The following EDNRB variants were observed in gnomAD, a reference collection of about 807,000 sequenced individuals.
EDNRB encodes the protein Hirschsprung disease 2.
Under a neutral mutation model 46.4 loss-of-function variants are expected in EDNRB, and 18 were observed. That is an observed-to-expected ratio of 0.39 (90% CI 0.27 to 0.57). EDNRB has a LOEUF of 0.57. EDNRB is among the 20% of genes least tolerant of loss of function. The pLI is 0.61. For missense variants in EDNRB, 434 were observed against 537.5 expected, an observed-to-expected ratio of 0.81 and a Z score of 1.90; for synonymous variants, 213 against 204.9, an observed-to-expected ratio of 1.04 and a Z score of -0.34.
chr13:77,962,769 C>T (rs1881464532), intron 1 of EDNRB, among the ~76,000 whole-genome samples: 1 of 152,024 alleles, frequency 6.6e-6, no homozygotes, highest in Admixed American at 6.6e-5. Flanking sequence ...AAGTTCTGGC[C>T]AGGGCAATCA....
chr13:77,924,379 C>T (rs145124162), upstream of EDNRB, among the ~76,000 whole-genome samples: 15 of 152,186 alleles, frequency 9.9e-5, no homozygotes, highest in African/African-American at 3.4e-4. Flanking sequence ...AATGCACAGG[C>T]GACTTACTTC....
chr13:77,908,890 C>T (rs1036277979), intron 1 of EDNRB, among the ~76,000 whole-genome samples: 3 of 151,900 alleles, frequency 2.0e-5, no homozygotes, highest in Non-Finnish European at 4.4e-5. Context: ...TATATGTTAC[C>T]TAACATTGAT....
At chr13:77,931,918 T>G (rs1880421693) in intron 1 of EDNRB, among the ~76,000 whole-genome samples, 1 of 152,096 alleles carries the variant, frequency 6.6e-6, no homozygotes, top group Admixed American at 6.5e-5. Context: ...CAAGAGATAG[T>G]AGCTCACAAG....
intron 1 of EDNRB, among the ~76,000 whole-genome samples, chr13:77,966,738 G>C (rs1881593616): frequency 6.6e-6 from 1 of 152,034 alleles, no homozygotes; most frequent in South Asian, 2.1e-4. Context: ...GATCTGGATG[G>C]GGTTTTTGCA....
intron 1 of EDNRB, among the ~76,000 whole-genome samples, chr13:77,911,554 G>A (rs1879573805): frequency 6.6e-6 from 1 of 152,028 alleles, no homozygotes; most frequent in Non-Finnish European, 1.5e-5. Context: ...CATGAGTGCA[G>A]TTTTGAGCCT....
At chr13:77,960,341 G>A (rs1248410839) in intron 1 of EDNRB, among the ~76,000 whole-genome samples, 7 of 152,090 alleles carry the variant, frequency 4.6e-5, no homozygotes, top group African/African-American at 7.2e-5. Context: ...CAGATGTCTC[G>A]GCAGAAACTC....
chr13:77,966,379 C>T (rs76418000), intron 1 of EDNRB, among the ~76,000 whole-genome samples: 88 of 152,288 alleles, frequency 5.8e-4, no homozygotes, highest in African/African-American at 2.1e-3. Flanking sequence ...GTCCTAACAA[C>T]AAATACATGT....
At chr13:77,912,812 G>A (rs1388620956) in intron 1 of EDNRB, among the ~76,000 whole-genome samples, 1 of 152,086 alleles carries the variant, frequency 6.6e-6, no homozygotes, top group Non-Finnish European at 1.5e-5. Flanking sequence ...GAATGCTTAT[G>A]CTGGTAAAAT....
At chr13:77,936,034 G>A (rs1220334005) in intron 1 of EDNRB, among the ~76,000 whole-genome samples, 1 of 152,200 alleles carries the variant, frequency 6.6e-6, no homozygotes, top group African/African-American at 2.4e-5. Context: ...AGTGATAACA[G>A]GCTTTCATCC....
At chr13:77,923,405 A>G (rs1294316448), upstream of EDNRB, among the ~76,000 whole-genome samples, 3 of 152,306 alleles carry the variant, frequency 2.0e-5, no homozygotes, top group African/African-American at 7.2e-5. Flanking sequence ...AAAAGATATT[A>G]GAAATTCCAG....
chr13:77,930,522 G>T (rs1594380949), intron 1 of EDNRB, among the ~76,000 whole-genome samples: 1 of 152,136 alleles, frequency 6.6e-6, no homozygotes, highest in East Asian at 1.9e-4. Flanking sequence ...TAGCATGTCT[G>T]ATTTCTTAAT....
At chr13:77,936,872 C>A (rs1411943569) in intron 1 of EDNRB, among the ~76,000 whole-genome samples, 1 of 152,166 alleles carries the variant, frequency 6.6e-6, no homozygotes, top group African/African-American at 2.4e-5. Context: ...TTCTTGTATG[C>A]TGGAGGTGTG....
rs955895781 is a variant in EDNRB, at chr13:77,953,410, G to A, written c.-52+21937C>T. Reference sequence around the variant, plus strand: ...TTTTATTTTCCATTTATTTGAAATCGAAAAATAAAACAATCATTCAGGGAA... The same window carrying A: ...TTTTATTTTCCATTTATTTGAAATCAAAAAATAAAACAATCATTCAGGGAA... On this transcript the variant is annotated intron_variant, in intron 1 of 7. Transcript: ENST00000646948. Among the ~76,000 whole-genome samples, 26 of 151,234 alleles carry A rather than the reference G, an allele frequency of 1.7e-4. No individual in the cohort carries two copies. The East Asian group carries it at 2.7e-3, about 16-fold the overall frequency.
intron 1 of EDNRB, among the ~76,000 whole-genome samples, chr13:77,945,121 C>G (rs1161928602): frequency 3.9e-5 from 6 of 151,996 alleles, no homozygotes; most frequent in African/African-American, 1.5e-4. Flanking sequence ...GTACTAGTGT[C>G]CTATGTTGAC....
chr13:77,944,465 AG>A (rs1880844334), intron 1 of EDNRB, among the ~76,000 whole-genome samples: 2 of 143,682 alleles, frequency 1.4e-5, no homozygotes, highest in African/African-American at 5.2e-5. Context: ...TATATTTACA[AG>A]TTTTTTTTTT....
At chr13:77,964,538 A>G (rs1031279256) in intron 1 of EDNRB, among the ~76,000 whole-genome samples, 3 of 151,746 alleles carry the variant, frequency 2.0e-5, no homozygotes, top group Admixed American at 6.6e-5. Context: ...ACAAAAAACC[A>G]AACACCGCAT....
At chr13:77,944,041 G>T (rs1880829656) in intron 1 of EDNRB, among the ~76,000 whole-genome samples, 1 of 152,060 alleles carries the variant, frequency 6.6e-6, no homozygotes, top group Non-Finnish European at 1.5e-5. Flanking sequence ...ACATAGAGAA[G>T]TTCATGGGGG....
chr13:77,900,598 C>T lies in EDNRB; in HGVS notation c.1008G>A (p.Trp336Ter). ...FCLVLVFALC[W>*]LPLHLSRILK... is the part of the protein sequence containing the mutation. ...GAATCCTGCTGAGGTGAAGGGGAAG[C>T]CAGCAGAGGGCAAAGACAAGGACCA... is the stretch of plus-strand genomic sequence containing the variant. The change falls in exon 5 of 7, where the codon TGG (tryptophan) becomes TGA (stop). Residue 336 changes from tryptophan to a stop codon, truncating the protein, a stop_gained. Transcript: ENST00000646607. LOFTEE classifies it high-confidence loss of function. The T allele has an allele frequency of 1.2e-6, 2 of 1,612,610 alleles. No individual in the cohort carries two copies. The highest frequency in any genetic ancestry group is 1.7e-6 in the Non-Finnish European group (2 of 1,179,138).
chr13:77,907,410 C>G (rs190258051), intron 1 of EDNRB, among the ~76,000 whole-genome samples: 128 of 152,098 alleles, frequency 8.4e-4, no homozygotes, highest in African/African-American at 3.0e-3. Context: ...AATTACACCA[C>G]TGGCTTTCCT....
Sources: gnomAD v4.1 joint callset for allele counts (sites outside exome capture counted in the v4.1 genomes callset) on GRCh38, gnomAD v4.1.1 for gene constraint, MANE v1.5 for transcripts, NCBI Gene and HGNC (gene_info 2026-07-23, HGNC 2026-07-21) for gene names.